ADGRV1: variants seen among roughly 807,000 people sequenced by gnomAD.
The protein encoded by ADGRV1 is G-protein coupled receptor 98.
ADGRV1 carries 359 observed loss-of-function variants against 596.2 expected under a neutral mutation model. The ratio of observed to expected loss-of-function variants is 0.60; its 90% confidence interval spans 0.55 to 0.66. The LOEUF (loss-of-function observed/expected upper bound fraction) is 0.66. ADGRV1 is among the 30% of genes least tolerant of loss of function. The probability of loss-of-function intolerance (pLI) is 0.00; values close to 1 mark genes in which losing one functional copy is unlikely to be tolerated. For synonymous variants in ADGRV1, 2,681 were observed against 2,679.2 expected (o/e 1.00, Z -0.02); for missense variants, 7,274 against 7,575.6 (o/e 0.96, Z 1.48).
intron 87 of ADGRV1, among the ~76,000 whole-genome samples, chr5:91,145,611 A>G (rs888225341): frequency 2.6e-4 from 40 of 151,044 alleles, no homozygotes; most frequent in African/African-American, 9.2e-4. Context: ...TAATTCACTT[A>G]TTATCATACA....
At chr5:90,638,649 C>G (rs1175941326) in intron 11 of ADGRV1, among the ~76,000 whole-genome samples, 2 of 151,862 alleles carry the variant, frequency 1.3e-5, no homozygotes, top group East Asian at 3.9e-4. Context: ...ACACAAGTCT[C>G]TTTATATGAA....
intron 77 of ADGRV1, among the ~76,000 whole-genome samples, chr5:90,837,372 T>G (rs1765057202): frequency 6.7e-6 from 1 of 149,672 alleles, no homozygotes; most frequent in Non-Finnish European, 1.5e-5. Context: ...TTTCTTTTTT[T>G]TTTTCTTTTT....
rs41308299 is a variant in ADGRV1 at position 90,617,894 on chromosome 5, G to A, written c.298G>A (p.Val100Ile). The A allele has an allele frequency of 1.3e-6, 2 of 1,596,284 alleles. No homozygotes were observed. The highest frequency in any genetic ancestry group is 1.7e-6 in the Non-Finnish European group (2 of 1,170,084). Residue 100 changes from valine to isoleucine, a missense_variant, in exon 3 of 90, where the codon GTA becomes ATA. Physicochemically the swap from Val to Ile is conservative, Grantham distance 29. Transcript: ENST00000405460. ...AACAAACAGAACAGTGTACATAGCA[G>A]TATGTGATGATGACTTACCAGAGCC... ...GETNRTVYIA[V>I]CDDDLPEPDE...
At chr5:90,938,873 A>T (rs1775937336) in intron 83 of ADGRV1, among the ~76,000 whole-genome samples, 1 of 152,194 alleles carries the variant, frequency 6.6e-6, no homozygotes, top group African/African-American at 2.4e-5. Context: ...TCAACCCAGG[A>T]AGTATATCTA....
intron 83 of ADGRV1, among the ~76,000 whole-genome samples, chr5:90,892,732 T>G (rs1006011222): frequency 6.6e-6 from 1 of 152,156 alleles, no homozygotes; most frequent in Admixed American, 6.6e-5. Flanking sequence ...TATTCTTGAA[T>G]TATATATTTT....
intron 1 of ADGRV1, among the ~76,000 whole-genome samples, chr5:90,604,182 A>G (rs866562326): frequency 6.6e-6 from 1 of 152,034 alleles, no homozygotes; most frequent in Non-Finnish European, 1.5e-5. Context: ...GAAATCTACA[A>G]ATTTTAAATC....
chr5:91,054,096 T>TGAGAGA (rs1456077883), intron 85 of ADGRV1, among the ~76,000 whole-genome samples: 11 of 122,008 alleles, frequency 9.0e-5, no homozygotes, highest in Admixed American at 6.5e-4. Context: ...TGTGTGTGTG[T>TGAGAGA]GTGTGTGAGA....
At chr5:90,868,115 G>A (rs1375047585) in intron 83 of ADGRV1, among the ~76,000 whole-genome samples, 2 of 151,998 alleles carry the variant, frequency 1.3e-5, no homozygotes, top group East Asian at 1.9e-4. Flanking sequence ...AGTCTATGGC[G>A]GGTTTCCGGA....
At chr5:91,018,963 C>A (rs6452928) in intron 85 of ADGRV1, among the ~76,000 whole-genome samples, 107,031 of 151,772 alleles carry the variant, frequency 0.71, 38,137 homozygotes, top group African/African-American at 0.82. Context: ...ATGCCTCCCT[C>A]AGGGTGGCAA....
intron 87 of ADGRV1, among the ~76,000 whole-genome samples, chr5:91,134,182 G>C (rs534304809): frequency 6.6e-6 from 1 of 151,252 alleles, no homozygotes; most frequent in East Asian, 1.9e-4. Context: ...ATGACCTGCT[G>C]TTTCTTTCTT....
At chr5:90,650,725 A>ATGTG (rs35121265) in intron 17 of ADGRV1, among the ~76,000 whole-genome samples, 22 of 150,980 alleles carry the variant, frequency 1.5e-4, no homozygotes, top group African/African-American at 4.9e-4. Flanking sequence ...CTGTATGTGT[A>ATGTG]TGTGTGTGTG....
At chr5:90,597,231 A>C (rs980721688) in intron 1 of ADGRV1, among the ~76,000 whole-genome samples, 3 of 152,168 alleles carry the variant, frequency 2.0e-5, no homozygotes, top group Admixed American at 2.0e-4. Context: ...GCTCAGTGGA[A>C]GTGTTTTGAT....
intron 70 of ADGRV1, among the ~76,000 whole-genome samples, chr5:90,797,158 T>C (rs895018440): frequency 6.6e-5 from 10 of 151,978 alleles, no homozygotes; most frequent in Admixed American, 1.3e-4. Context: ...AATGTCCCAA[T>C]TAAAAGACAC....
chr5:90,904,840 G>A (rs1229328934), intron 83 of ADGRV1, among the ~76,000 whole-genome samples: 1 of 151,976 alleles, frequency 6.6e-6, no homozygotes, highest in Non-Finnish European at 1.5e-5. Flanking sequence ...TTTCCCCAAT[G>A]TTATCTTGTC....
At chr5:90,654,198 G>C (rs1034173511) in intron 20 of ADGRV1, 5 of 503,098 alleles carry the variant, frequency 9.9e-6, no homozygotes, top group African/African-American at 7.7e-5. Context: ...AGAGATGTGT[G>C]ATATATCACA....
intron 7 of ADGRV1, 141 bp downstream of exon 7, chr5:90,627,917 GACACACACACACACACACAC>G (rs3041948): frequency 5.2e-5 from 12 of 230,342 alleles, no homozygotes; most frequent in African/African-American, 1.1e-4. Flanking sequence ...ACTCAGAAAA[GACACACACACACACACACAC>G]ACACACACAC....
intron 88 of ADGRV1, among the ~76,000 whole-genome samples, chr5:91,151,913 C>T (rs1451047670): frequency 6.6e-6 from 1 of 152,228 alleles, no homozygotes; most frequent in African/African-American, 2.4e-5. Flanking sequence ...CTCTCAAGTT[C>T]ATTTCTAAAG....
chr5:90,894,600 C>G (rs4496735), intron 83 of ADGRV1, among the ~76,000 whole-genome samples: 71,165 of 151,970 alleles, frequency 0.47, 17,475 homozygotes, highest in African/African-American at 0.62. Flanking sequence ...CTTGTTAAAA[C>G]CACAGCAGTC....
intron 38 of ADGRV1, among the ~76,000 whole-genome samples, chr5:90,707,060 G>A (rs1366613731): frequency 6.6e-6 from 1 of 152,056 alleles, no homozygotes. Context: ...CTTTGGACCA[G>A]AAAATCCGTG....
Sources: allele counts gnomAD v4.1 joint callset (sites outside exome capture counted in the v4.1 genomes callset), GRCh38; gene constraint gnomAD v4.1.1; transcripts MANE v1.5; gene names NCBI Gene and HGNC (gene_info 2026-07-23, HGNC 2026-07-21).